The following FRMPD4 variants were observed in gnomAD, a reference collection of about 807,000 sequenced individuals.
FRMPD4 encodes the protein FERM and PDZ domain-containing protein 4.
Under a neutral mutation model 94.1 loss-of-function variants are expected in FRMPD4, and 22 were observed. That is an observed-to-expected ratio of 0.23 (90% CI 0.17 to 0.33). The LOEUF (loss-of-function observed/expected upper bound fraction) is 0.33. Among genes scored for constraint, FRMPD4 ranks in the 10% least tolerant of loss-of-function variants. The pLI, the probability that FRMPD4 is intolerant of heterozygous loss-of-function variation, is 1.00. For synonymous variants in FRMPD4, 631 were observed against 548.6 expected (o/e 1.15, Z -2.10); for missense variants, 1,111 against 1,339.9 (o/e 0.83, Z 2.67).
chrX:12,389,103 G>A (rs551063278), intron 1 of FRMPD4, among the ~76,000 whole-genome samples: 5 of 109,014 alleles, frequency 4.6e-5, no homozygotes, highest in African/African-American at 1.7e-4. Flanking sequence ...TCTCAGACAC[G>A]AGGAATAAGT....
intron 1 of FRMPD4, among the ~76,000 whole-genome samples, chrX:12,361,622 G>A (rs1248852727): frequency 8.9e-6 from 1 of 112,301 alleles, no homozygotes; most frequent in African/African-American, 3.2e-5. Flanking sequence ...CAAATATTTT[G>A]AGAAAATGAC....
intron 1 of FRMPD4, among the ~76,000 whole-genome samples, chrX:12,419,566 G>A (rs58564962): frequency 0.044 from 4,953 of 111,391 alleles, 287 homozygotes; most frequent in African/African-American, 0.15. Flanking sequence ...CTCTTCGGGG[G>A]TCCTCAAAAA....
intron 13 of FRMPD4, among the ~76,000 whole-genome samples, chrX:12,710,147 G>A (rs1485690209): frequency 2.1e-5 from 1 of 47,688 alleles, no homozygotes; most frequent in Non-Finnish European, 4.1e-5. Flanking sequence ...TAGACAGATA[G>A]ATAGATAGAC....
intron 4 of FRMPD4, among the ~76,000 whole-genome samples, chrX:12,627,147 A>G (rs2059354738): frequency 9.0e-6 from 1 of 111,526 alleles, no homozygotes; most frequent in Non-Finnish European, 1.9e-5. Context: ...ATGGTGGCGC[A>G]TGCCTGTAGT....
chrX:12,434,135 A>T (rs2057038646), intron 1 of FRMPD4, among the ~76,000 whole-genome samples: 1 of 111,950 alleles, frequency 8.9e-6, no homozygotes, highest in Non-Finnish European at 1.9e-5. Context: ...CTTTTTTCAC[A>T]CATGGTTGTG....
intron 3 of FRMPD4, among the ~76,000 whole-genome samples, chrX:11,982,001 T>C (rs765960919): frequency 2.7e-5 from 3 of 112,004 alleles, no homozygotes; most frequent in Non-Finnish European, 5.7e-5. Flanking sequence ...TTTTATGTGC[T>C]CAATGGTCTA....
chrX:12,182,745 T>C (rs16998911), intron 1 of FRMPD4, among the ~76,000 whole-genome samples: 30,615 of 110,045 alleles, frequency 0.28, 3,342 homozygotes, highest in Non-Finnish European at 0.35. Flanking sequence ...GAATTTGTAA[T>C]GGACTTATCA....
rs143583436 is a variant in FRMPD4, at chrX:12,356,598, A to T, written c.42-142082A>T. ...TTTTTGTCATGTGAGGACACGTGTG[A>T]CTATAACAAAAACCACTCAATTGTA... is the stretch of plus-strand genomic sequence containing the variant. On this transcript the variant is annotated intron_variant, in intron 1 of 16. Coordinates refer to ENST00000675598, the MANE Select transcript of FRMPD4 (RefSeq NM_001368397.1). Among the ~76,000 whole-genome samples the T allele has an allele frequency of 7.6e-4, 85 of 112,027 alleles. 2 individuals carry two copies. In the East Asian group the frequency reaches 0.023, roughly 30 times the overall value.
At chrX:11,886,118 C>T (rs2053843855) in intron 3 of FRMPD4, among the ~76,000 whole-genome samples, 2 of 111,394 alleles carry the variant, frequency 1.8e-5, no homozygotes, top group East Asian at 5.6e-4. Flanking sequence ...TGCACATGCC[C>T]CCAAGGAATC....
intron 3 of FRMPD4, among the ~76,000 whole-genome samples, chrX:11,958,765 G>A (rs1291311225): frequency 2.7e-5 from 3 of 111,814 alleles, no homozygotes; most frequent in African/African-American, 9.8e-5. Flanking sequence ...ATAATATTTA[G>A]ATCCCTAAGA....
intron 4 of FRMPD4, among the ~76,000 whole-genome samples, chrX:12,638,357 C>T (rs1458895942): frequency 8.9e-6 from 1 of 112,026 alleles, no homozygotes; most frequent in African/African-American, 3.2e-5. Flanking sequence ...CCACCTCAGC[C>T]TCCTGAGTAG....
At chrX:12,108,165 A>G (rs774022207) in intron 3 of FRMPD4, among the ~76,000 whole-genome samples, 1,336 of 111,565 alleles carry the variant, frequency 0.012, 24 homozygotes, top group African/African-American at 0.04. Flanking sequence ...GTTAAGGGCA[A>G]CCAGAGAGAA....
At chrX:12,141,465 A>T (rs376604783) in intron 1 of FRMPD4, among the ~76,000 whole-genome samples, 115 of 112,164 alleles carry the variant, frequency 1.0e-3, no homozygotes, top group African/African-American at 3.6e-3. Flanking sequence ...GAATAAATAA[A>T]CTGCATATTT....
intron 1 of FRMPD4, among the ~76,000 whole-genome samples, chrX:12,295,469 G>A (rs1244215826): frequency 5.3e-5 from 6 of 112,243 alleles, no homozygotes; most frequent in East Asian, 2.8e-4. Context: ...TAGAATTTTT[G>A]TGAAGACCAA....
intron 2 of FRMPD4, among the ~76,000 whole-genome samples, chrX:12,574,994 G>A (rs755587512): frequency 1.8e-5 from 2 of 111,630 alleles, no homozygotes; most frequent in Admixed American, 9.5e-5. Context: ...GACAGCTTTT[G>A]TATCAGTCTT....
At chrX:12,481,003 C>T (rs1445282528) in intron 1 of FRMPD4, among the ~76,000 whole-genome samples, 1 of 111,560 alleles carries the variant, frequency 9.0e-6, no homozygotes, top group Admixed American at 9.5e-5. Flanking sequence ...TCTTGACACA[C>T]TGTTAAGGAG....
intron 1 of FRMPD4, among the ~76,000 whole-genome samples, chrX:12,451,733 C>CGTGTGTGTGTGTGT (rs72300557): frequency 3.0e-5 from 3 of 98,813 alleles, no homozygotes; most frequent in East Asian, 3.3e-4. Context: ...TGTGTATGCC[C>CGTGTGTGTGTGTGT]GTGTGTGTGT....
chrX:11,851,293 G>T (rs1474042255), intron 1 of FRMPD4, among the ~76,000 whole-genome samples: 4 of 111,470 alleles, frequency 3.6e-5, no homozygotes, highest in Admixed American at 9.5e-5. Flanking sequence ...GAGGATTTTT[G>T]ATTTCCTCAT....
chrX:11,967,734 A>ATGTGTGTGTG (rs1169732749), intron 3 of FRMPD4, among the ~76,000 whole-genome samples: 1 of 90,505 alleles, frequency 1.1e-5, no homozygotes. Context: ...TTCTAGGCAG[A>ATGTGTGTGTG]TGTGTGTGTG....
Sources: gnomAD v4.1 joint callset for allele counts (sites outside exome capture counted in the v4.1 genomes callset) on GRCh38, gnomAD v4.1.1 for gene constraint, MANE v1.5 for transcripts, NCBI Gene and HGNC (gene_info 2026-07-23, HGNC 2026-07-21) for gene names.